DOP1A: variants seen among roughly 807,000 people sequenced by gnomAD.
DOP1A encodes the protein DOP1 leucine zipper like protein A, also known as protein DOP1A.
DOP1A carries 90 observed loss-of-function variants against 267.6 expected under a neutral mutation model. That is an observed-to-expected ratio of 0.34 (90% CI 0.28 to 0.40). The LOEUF is 0.40. Ranked by LOEUF, DOP1A falls within the 10% of genes least tolerant of loss-of-function variation. The pLI, the probability that DOP1A is intolerant of heterozygous loss-of-function variation, is 1.00. For synonymous variants in DOP1A, 932 were observed against 999.1 expected, an observed-to-expected ratio of 0.93 and a Z score of 1.27; for missense variants, 2,437 against 2,900.4, an observed-to-expected ratio of 0.84 and a Z score of 3.67.
rs752549584 is a variant in DOP1A at position 83,124,749 on chromosome 6, A to G, written c.1385A>G (p.Asn462Ser). ...VRLQIGPGDSNDSSELQLTNF... is the reference protein window; with the variant it reads ...VRLQIGPGDSSDSSELQLTNF... Reference sequence around the variant, plus strand: ...CTTCAGATTGGACCTGGAGATAGTAATGACTCATCTGAATTACAGCTGACC... The same window carrying G: ...CTTCAGATTGGACCTGGAGATAGTAGTGACTCATCTGAATTACAGCTGACC... Residue 462 changes from asparagine (N) to serine (S), a missense_variant, in exon 13 of 39, where the codon AAT (asparagine) becomes AGT (serine). Asn to Ser is a conservative substitution (Grantham distance 46). This residue lies in a region of DOP1A where 498 missense variants were observed against 513.5 expected (regional missense o/e 0.97). Transcript: ENST00000349129. 4.3e-6 allele frequency: 7 copies of G among 1,613,248 alleles called. No individual in the cohort carries two copies. The South Asian group carries it at 5.5e-5, about 13-fold the overall frequency.
Position 83,073,185 on chromosome 6 carries a change from C to T in DOP1A, c.-147+5406C>T, listed in dbSNP as rs190479011. 1.6e-4 allele frequency: 26 copies of T among 167,454 alleles called. No individual in the cohort carries two copies. The East Asian group carries it at 3.9e-3, about 25-fold the overall frequency. 10.4% of individuals were successfully genotyped at this position (167,454 alleles called of 1,614,324 possible). On this transcript the variant is annotated intron_variant, in intron 1 of 38. Coordinates refer to ENST00000349129, the MANE Select transcript of DOP1A (RefSeq NM_015018.4). ...GCAACCTCTACCTCCTGGGTTCGAG[C>T]GATTCTCCTGCATCAGCCTTCCAGG...
chr6:83,074,405 A>G (rs904673640), intron 1 of DOP1A, among the ~76,000 whole-genome samples: 2 of 152,170 alleles, frequency 1.3e-5, no homozygotes, highest in African/African-American at 4.8e-5. Flanking sequence ...CTTTATTACC[A>G]TAAATGGGGC....
chr6:83,121,890 G>T, intron 10 of DOP1A, 40 bp from the exon 11 acceptor site: 1 of 1,566,932 alleles, frequency 6.4e-7, no homozygotes, highest in Non-Finnish European at 8.7e-7. Context: ...ATTTGCTCAT[G>T]CTGATTAATT....
downstream of DOP1A, chr6:83,170,265 T>TAATA (rs779220215): frequency 4.4e-6 from 7 of 1,590,376 alleles, no homozygotes; most frequent in Admixed American, 5.0e-5. Flanking sequence ...GCCCATCACC[T>TAATA]AATATTAGGC....
At chr6:83,107,951 T>C (rs1184314708) in intron 4 of DOP1A, among the ~76,000 whole-genome samples, 1 of 152,226 alleles carries the variant, frequency 6.6e-6, no homozygotes, top group Admixed American at 6.5e-5. Flanking sequence ...TCTTAAAAGA[T>C]GTTAAAGTCC....
At chr6:83,126,932 C>A (rs1777257272) in intron 15 of DOP1A, among the ~76,000 whole-genome samples, 1 of 151,848 alleles carries the variant, frequency 6.6e-6, no homozygotes. Context: ...GGGTAGGGGG[C>A]CAGTGAATTG....
At chr6:83,081,600 CAA>C (rs1372678872) in intron 1 of DOP1A, among the ~76,000 whole-genome samples, 1 of 151,946 alleles carries the variant, frequency 6.6e-6, no homozygotes, top group Non-Finnish European at 1.5e-5. Context: ...CTAGGAGAAA[CAA>C]GAAAAGCTAT....
intron 37 of DOP1A, 30 bp from the exon 38 acceptor site, chr6:83,162,760 C>G: frequency 6.3e-7 from 1 of 1,584,816 alleles, no homozygotes; most frequent in Non-Finnish European, 8.6e-7. Context: ...GTCTGTCTTA[C>G]TGATGCTGAT....
At chr6:83,106,084 TTTAA>T (rs1279213029) in intron 4 of DOP1A, among the ~76,000 whole-genome samples, 3 of 152,218 alleles carry the variant, frequency 2.0e-5, no homozygotes, top group African/African-American at 4.8e-5. Flanking sequence ...TATGTTTATT[TTTAA>T]TTAATGATTT....
intron 1 of DOP1A, among the ~76,000 whole-genome samples, chr6:83,084,350 A>AC (rs1374748733): frequency 3.3e-5 from 5 of 151,080 alleles, no homozygotes; most frequent in Non-Finnish European, 4.5e-5. Context: ...AGTAGGGTTT[A>AC]CCATTATGTC....
intron 4 of DOP1A, among the ~76,000 whole-genome samples, chr6:83,103,269 A>G (rs572709236): frequency 1.3e-5 from 2 of 152,350 alleles, no homozygotes; most frequent in East Asian, 3.9e-4. Flanking sequence ...TCTCACTTGT[A>G]AGCGAGAGCT....
intron 1 of DOP1A, among the ~76,000 whole-genome samples, chr6:83,084,840 C>T (rs1768786640): frequency 6.6e-6 from 1 of 152,020 alleles, no homozygotes; most frequent in Non-Finnish European, 1.5e-5. Context: ...ATCTGCCTGC[C>T]TTGGCCTCCC....
chr6:83,162,953 A>G (rs1458507272), intron 38 of DOP1A, 34 bp downstream of exon 38: 8 of 1,598,638 alleles, frequency 5.0e-6, no homozygotes, highest in African/African-American at 4.0e-5. Flanking sequence ...TTTGTTTTAC[A>G]TCACTACATG....
At chr6:83,134,132 T>C (rs1778510368) in intron 18 of DOP1A, 55 bp from the exon 19 acceptor site, 1 of 1,475,924 alleles carries the variant, frequency 6.8e-7, no homozygotes, top group Admixed American at 1.9e-5. Flanking sequence ...TTTACTAAAA[T>C]CATAGTATCT....
chr6:83,077,279 A>T (rs1364251668), intron 1 of DOP1A, among the ~76,000 whole-genome samples: 8 of 152,170 alleles, frequency 5.3e-5, no homozygotes, highest in Admixed American at 5.2e-4. Context: ...AGGCCAGAGG[A>T]TTGCTTGAGC....
chr6:83,128,243 C>T (rs982251438), intron 15 of DOP1A, among the ~76,000 whole-genome samples: 3 of 152,192 alleles, frequency 2.0e-5, no homozygotes, highest in African/African-American at 7.2e-5. Flanking sequence ...GATATTTATA[C>T]TTACTCTATC....
intron 27 of DOP1A, among the ~76,000 whole-genome samples, chr6:83,150,363 C>A (rs981148839): frequency 1.3e-5 from 2 of 148,366 alleles, no homozygotes; most frequent in Non-Finnish European, 3.0e-5. Flanking sequence ...AAATTAAGTT[C>A]ATTTGTTGTG....
intron 1 of DOP1A, among the ~76,000 whole-genome samples, chr6:83,080,455 A>G (rs1193112744): frequency 6.6e-6 from 1 of 152,188 alleles, no homozygotes; most frequent in Non-Finnish European, 1.5e-5. Flanking sequence ...AATAACCCTC[A>G]GGAATTATAT....
Position 83,150,739 on chromosome 6 carries a change from A to G in DOP1A, c.5838-854A>G, listed in dbSNP as rs539329076. Among the ~76,000 whole-genome samples, 4 of 152,200 alleles carry G rather than the reference A, an allele frequency of 2.6e-5. No individual in the cohort carries two copies. The South Asian group carries it at 8.3e-4, about 31-fold the overall frequency. On this transcript the variant is annotated intron_variant, in intron 27 of 38. Transcript: ENST00000349129. The stretch of plus-strand genomic sequence containing the variant: ...AATGAAAATGGAAATTTTTTTCTTC[A>G]TGAACTATTTTTAATGTGTTATGGG...
Sources: gnomAD v4.1 joint callset for allele counts (sites outside exome capture counted in the v4.1 genomes callset) on GRCh38, gnomAD v4.1.1 for gene constraint, gnomAD v4.1.1 regional missense constraint, MANE v1.5 for transcripts, NCBI Gene and HGNC (gene_info 2026-07-23, HGNC 2026-07-21) for gene names.